FHIT: variants seen among roughly 807,000 people sequenced by gnomAD.
The protein encoded by FHIT is fragile histidine triad diadenosine triphosphatase, also known as bis(5'-adenosyl)-triphosphatase.
Under a neutral mutation model 17.9 loss-of-function variants are expected in FHIT, and 19 were observed. The ratio of observed to expected loss-of-function variants is 1.06; its 90% CI spans 0.74 to 1.56. FHIT has a LOEUF of 1.56. FHIT is among the 40% of genes most tolerant of loss of function. The probability of loss-of-function intolerance (pLI) is 0.00; values close to 1 mark genes in which losing one functional copy is unlikely to be tolerated. For synonymous variants in FHIT, 81 were observed against 69.7 expected (o/e 1.16, Z -0.81); for missense variants, 248 against 189.2 (o/e 1.31, Z -1.82).
chr3:60,225,421 C>T lies in FHIT; in HGVS notation c.104-211269G>A, dbSNP rs147347660. Among the ~76,000 whole-genome samples, 14 of 152,160 alleles carry T rather than the reference C, an allele frequency of 9.2e-5. No homozygotes were observed. In the East Asian group the frequency reaches 2.1e-3, roughly 23 times the overall value. Reference sequence around the variant, plus strand: ...GAGGAAAGAAGACAGAGTATCTGTACCTGGAGAACAGGAGAAAGTTTAGAA... The same window carrying T: ...GAGGAAAGAAGACAGAGTATCTGTATCTGGAGAACAGGAGAAAGTTTAGAA... On this transcript the variant is annotated intron_variant, in intron 5 of 9. Coordinates refer to ENST00000492590, the MANE Select transcript of FHIT (RefSeq NM_002012.4).
At chr3:60,593,042 C>G (rs368876258) in intron 4 of FHIT, among the ~76,000 whole-genome samples, 1 of 152,124 alleles carries the variant, frequency 6.6e-6, no homozygotes, top group Non-Finnish European at 1.5e-5. Context: ...TAAAGAGAAG[C>G]CTGCCCATCG....
chr3:59,953,289 TGTGA>T (rs1707215176), intron 7 of FHIT, among the ~76,000 whole-genome samples: 1 of 152,088 alleles, frequency 6.6e-6, no homozygotes, highest in East Asian at 1.9e-4. Flanking sequence ...TGTCTCTCTG[TGTGA>T]GTGTCTCTCT....
At chr3:60,085,645 G>T (rs1271875565) in intron 5 of FHIT, among the ~76,000 whole-genome samples, 2 of 152,110 alleles carry the variant, frequency 1.3e-5, no homozygotes, top group Non-Finnish European at 2.9e-5. Flanking sequence ...TTCTTTAATA[G>T]CCAGAAACAC....
At position 60,100,117 on chromosome 3, in the gene FHIT, T is replaced by A. The variant is rs1482045002; in HGVS notation, c.104-85965A>T. ...CAGTCTGTTCTCACCAGTCTCAATA[T>A]AGGACTGAAAAGCTATCTTCTCCAA... On this transcript the variant is annotated intron_variant, in intron 5 of 9. Coordinates refer to ENST00000492590, the MANE Select transcript of FHIT (RefSeq NM_002012.4). Among the ~76,000 whole-genome samples, 4 of 152,134 alleles carry A rather than the reference T, an allele frequency of 2.6e-5. No individual in the cohort carries two copies. The South Asian group carries it at 8.3e-4, about 32-fold the overall frequency.
intron 5 of FHIT, among the ~76,000 whole-genome samples, chr3:60,331,308 A>T (rs2106853920): frequency 6.6e-6 from 1 of 151,866 alleles, no homozygotes; most frequent in South Asian, 2.1e-4. Flanking sequence ...CCATGGGTGG[A>T]TATAGGTTCC....
intron 3 of FHIT, among the ~76,000 whole-genome samples, chr3:60,977,599 C>A (rs866480556): frequency 6.6e-6 from 1 of 152,050 alleles, no homozygotes; most frequent in Non-Finnish European, 1.5e-5. Flanking sequence ...TGGCTGGGTG[C>A]GGTGGTTCAC....
intron 5 of FHIT, among the ~76,000 whole-genome samples, chr3:60,527,552 C>G (rs2035620616): frequency 6.6e-6 from 1 of 152,174 alleles, no homozygotes; most frequent in South Asian, 2.1e-4. Context: ...GCTAACCAAG[C>G]TAAACTGCCT....
chr3:60,616,454 A>C (rs2107742553), intron 4 of FHIT, among the ~76,000 whole-genome samples: 1 of 152,324 alleles, frequency 6.6e-6, no homozygotes, highest in South Asian at 2.1e-4. Flanking sequence ...TTATACAAGT[A>C]ATACACTTCT....
chr3:60,107,077 C>T (rs563554461), intron 5 of FHIT, among the ~76,000 whole-genome samples: 1 of 151,196 alleles, frequency 6.6e-6, no homozygotes, highest in South Asian at 2.1e-4. Flanking sequence ...CATTTGACAA[C>T]CAATCTGGGC....
At position 60,081,480 on chromosome 3, in the gene FHIT, C is replaced by T. The variant is rs147004032; in HGVS notation, c.104-67328G>A. ...GATCCTGAAGTTCCTTAAAACTCAA[C>T]TCAATCTACTGCTCCTCATTAGTAA... On this transcript the variant is annotated intron_variant, in intron 5 of 9. Coordinates refer to ENST00000492590, the MANE Select transcript of FHIT (RefSeq NM_002012.4). Among the ~76,000 whole-genome samples, 748 of 152,230 alleles carry T rather than the reference C, an allele frequency of 4.9e-3. 9 individuals are homozygous for T. Among genetic ancestry groups the T allele is most frequent in the Non-Finnish European group, 5.7e-3 (390 of 68,010 alleles).
intron 3 of FHIT, among the ~76,000 whole-genome samples, chr3:60,842,375 CT>C (rs1415608516): frequency 6.6e-6 from 1 of 151,636 alleles, no homozygotes; most frequent in East Asian, 1.9e-4. Context: ...AGTGTGACTT[CT>C]TTTCTAGCTT....
chr3:60,929,053 G>A (rs1244034549), intron 3 of FHIT, among the ~76,000 whole-genome samples: 1 of 152,130 alleles, frequency 6.6e-6, no homozygotes, highest in Non-Finnish European at 1.5e-5. Flanking sequence ...ATGCAAGGCT[G>A]GTTCAACATA....
At chr3:59,915,984 T>C in intron 8 of FHIT, among the ~76,000 whole-genome samples, 1 of 151,878 alleles carries the variant, frequency 6.6e-6, no homozygotes, top group Non-Finnish European at 1.5e-5. Context: ...GAATCATATA[T>C]TGTGACAGTT....
At chr3:60,240,140 C>T (rs1411800971) in intron 5 of FHIT, among the ~76,000 whole-genome samples, 3 of 152,152 alleles carry the variant, frequency 2.0e-5, no homozygotes, top group African/African-American at 7.2e-5. Flanking sequence ...ATATGCATCT[C>T]CCTACCACAG....
chr3:60,726,559 G>A (rs1553709629), intron 4 of FHIT, among the ~76,000 whole-genome samples: 2 of 152,132 alleles, frequency 1.3e-5, no homozygotes, highest in Admixed American at 1.3e-4. Context: ...ATAAGCAGTT[G>A]ATGTTCCCAA....
At chr3:61,119,386 G>C (rs1359358940) in intron 2 of FHIT, among the ~76,000 whole-genome samples, 1 of 151,890 alleles carries the variant, frequency 6.6e-6, no homozygotes, top group East Asian at 1.9e-4. Flanking sequence ...AATTTTTTTT[G>C]TATTTTTAGT....
At chr3:60,215,494 C>T (rs1312893730) in intron 5 of FHIT, among the ~76,000 whole-genome samples, 6 of 151,826 alleles carry the variant, frequency 4.0e-5, no homozygotes, top group African/African-American at 9.7e-5. Flanking sequence ...ACCTGGGAGG[C>T]GGAGTTTGCA....
intron 5 of FHIT, among the ~76,000 whole-genome samples, chr3:60,086,064 G>A (rs545228969): frequency 6.6e-6 from 1 of 152,170 alleles, no homozygotes. Flanking sequence ...AGGGCCTCAG[G>A]CTTCTTCATC....
At chr3:59,876,559 C>A (rs1703171389) in intron 8 of FHIT, among the ~76,000 whole-genome samples, 1 of 152,104 alleles carries the variant, frequency 6.6e-6, no homozygotes, top group Admixed American at 6.5e-5. Context: ...ACAAAACAGT[C>A]TTCAAGAGAG....
Sources: allele counts gnomAD v4.1 joint callset (sites outside exome capture counted in the v4.1 genomes callset), GRCh38; gene constraint gnomAD v4.1.1; transcripts MANE v1.5; gene names NCBI Gene and HGNC (gene_info 2026-07-23, HGNC 2026-07-21).